The following CAST variants were observed in gnomAD, a reference collection of about 807,000 sequenced individuals.
CAST encodes MIR583 host.
Under a neutral mutation model 119.6 loss-of-function variants are expected in CAST, and 76 were observed. The ratio of observed to expected loss-of-function variants is 0.64; its 90% CI spans 0.53 to 0.77. The LOEUF is 0.77. Ranked by LOEUF, CAST falls within the 30% of genes least tolerant of loss-of-function variation. The probability of loss-of-function intolerance (pLI) is 0.00; values close to 1 mark genes in which losing one functional copy is unlikely to be tolerated. For missense variants in CAST, 953 were observed against 946.5 expected (o/e 1.01, Z -0.09); for synonymous variants, 319 against 331.6 (o/e 0.96, Z 0.41).
the CAST span, among the ~76,000 whole-genome samples, chr5:96,426,851 A>C: frequency 1.3e-5 from 2 of 152,222 alleles, no homozygotes. Context: ...GGATAAAACC[A>C]TCCACTAAGA....
At chr5:96,089,937 G>A in the CAST span, among the ~76,000 whole-genome samples, 1 of 151,960 alleles carries the variant, frequency 6.6e-6, no homozygotes, top group Non-Finnish European at 1.5e-5. Context: ...TCTCTGACTG[G>A]GCTTTGGAGT....
At chr5:96,402,046 G>T in the CAST span, among the ~76,000 whole-genome samples, 11 of 152,256 alleles carry the variant, frequency 7.2e-5, no homozygotes, top group African/African-American at 1.7e-4. Flanking sequence ...ACTCCTCAAG[G>T]TTCCTGTCTC....
At chr5:96,159,405 A>C in the CAST span, among the ~76,000 whole-genome samples, 3 of 152,236 alleles carry the variant, frequency 2.0e-5, no homozygotes, top group Admixed American at 2.0e-4. Flanking sequence ...TGGAATTTTT[A>C]AATTATAAAA....
At chr5:96,172,188 T>C in the CAST span, among the ~76,000 whole-genome samples, 11 of 152,248 alleles carry the variant, frequency 7.2e-5, no homozygotes, top group South Asian at 2.1e-4. Flanking sequence ...AGGTGCTCAG[T>C]TGGGGAGCCT....
chr5:95,974,005 A>G, the CAST span, among the ~76,000 whole-genome samples: 5 of 62,848 alleles, frequency 8.0e-5, no homozygotes, highest in African/African-American at 2.1e-4. Flanking sequence ...ATTTGCACGC[A>G]CACACACACA....
chr5:96,305,916 GT>G, the CAST span, among the ~76,000 whole-genome samples: 10 of 152,260 alleles, frequency 6.6e-5, no homozygotes, highest in African/African-American at 2.4e-4. Flanking sequence ...GAAATTTTCT[GT>G]TTTTGTTGTT....
chr5:96,175,001 A>G, the CAST span, among the ~76,000 whole-genome samples: 1 of 152,196 alleles, frequency 6.6e-6, no homozygotes, highest in Admixed American at 6.5e-5. Flanking sequence ...ACTTTTTACT[A>G]GATTTTCTAA....
At chr5:96,765,440 C>A (rs1769574336) in intron 26 of CAST, 115 bp downstream of exon 26, 1 of 602,074 alleles carries the variant, frequency 1.7e-6, no homozygotes. Flanking sequence ...ATATTTTAAA[C>A]ATGAAATTAT....
intron 1 of CAST, among the ~76,000 whole-genome samples, chr5:96,563,395 A>G (rs1423949189): frequency 6.6e-6 from 1 of 152,212 alleles, no homozygotes; most frequent in East Asian, 1.9e-4. Flanking sequence ...ACATATGTAC[A>G]AAATCATTGT....
chr5:96,599,411 G>A (rs188582719), intron 1 of CAST, among the ~76,000 whole-genome samples: 25 of 152,256 alleles, frequency 1.6e-4, no homozygotes, highest in African/African-American at 5.5e-4. Context: ...AAATCAAGTG[G>A]AATATAAATG....
At chr5:96,398,764 A>G in the CAST span, 1 of 886,100 alleles carries the variant, frequency 1.1e-6, no homozygotes, top group Non-Finnish European at 1.9e-6. Flanking sequence ...GTTTTTTAAG[A>G]CCTGAAAATA....
At chr5:96,526,664 G>T (rs1447887933), upstream of CAST, among the ~76,000 whole-genome samples, 1 of 152,172 alleles carries the variant, frequency 6.6e-6, no homozygotes, top group Non-Finnish European at 1.5e-5. Flanking sequence ...CTGCCCTATT[G>T]CCATTAAAAA....
At chr5:96,608,056 T>C (rs1458837692) in intron 1 of CAST, among the ~76,000 whole-genome samples, 3 of 152,160 alleles carry the variant, frequency 2.0e-5, no homozygotes, top group Non-Finnish European at 2.9e-5. Context: ...CCAGAACTTA[T>C]TGCTCCTGTC....
the CAST span, among the ~76,000 whole-genome samples, chr5:96,509,086 T>C: frequency 7.9e-5 from 12 of 152,314 alleles, no homozygotes; most frequent in Non-Finnish European, 1.5e-4. Context: ...TCAAAGTGAA[T>C]CCTAAAATAT....
intron 16 of CAST, chr5:96,743,704 A>T (rs781055645): frequency 6.2e-7 from 1 of 1,611,552 alleles, no homozygotes; most frequent in East Asian, 2.2e-5. Context: ...GTGACGGTGA[A>T]CGCAGAGGAG....
chr5:96,569,933 C>A (rs1206485726), intron 1 of CAST, among the ~76,000 whole-genome samples: 1 of 152,212 alleles, frequency 6.6e-6, no homozygotes, highest in African/African-American at 2.4e-5. Flanking sequence ...GTTTCATTCC[C>A]ACAGAGAAGG....
At chr5:96,114,045 G>A in the CAST span, among the ~76,000 whole-genome samples, 1 of 152,082 alleles carries the variant, frequency 6.6e-6, no homozygotes, top group Admixed American at 6.5e-5. Context: ...GTTTTTTAAA[G>A]TACCATTTTT....
rs757640894 is a variant in CAST at position 96,748,631 on chromosome 5, T to G, written c.1428+18T>G. 3 of 1,189,626 alleles carry G rather than the reference T, an allele frequency of 2.5e-6. No individual in the cohort carries two copies. Among genetic ancestry groups the G allele is most frequent in the East Asian group, 4.7e-5 (2 of 42,886 alleles). The allele number at this position is 1,189,626 out of a possible 1,614,324, so 73.7% of individuals were successfully genotyped here. ...AGACAGAAGTATGTTTCTAAACATATAAATCTCTAGTTTTGAGGTTTGTGA... is the reference window on the plus strand; with the variant it reads ...AGACAGAAGTATGTTTCTAAACATAGAAATCTCTAGTTTTGAGGTTTGTGA... On this transcript the variant is annotated intron_variant, in intron 19 of 31. Coordinates refer to ENST00000675179, the MANE Select transcript of CAST (RefSeq NM_001750.7).
the CAST span, among the ~76,000 whole-genome samples, chr5:96,076,581 C>T: frequency 6.6e-6 from 1 of 152,140 alleles, no homozygotes. Context: ...TAATGGGCTG[C>T]TGGAGTTGAG....
Sources: gnomAD v4.1 joint callset for allele counts (sites outside exome capture counted in the v4.1 genomes callset) on GRCh38, gnomAD v4.1.1 for gene constraint, MANE v1.5 for transcripts, NCBI Gene and HGNC (gene_info 2026-07-23, HGNC 2026-07-21) for gene names.